PPM1L: variants seen among roughly 807,000 people sequenced by gnomAD.
PPM1L encodes protein phosphatase 1L.
Under a neutral mutation model 31.4 loss-of-function variants are expected in PPM1L, and 13 were observed. That is an observed-to-expected ratio of 0.41 (90% CI 0.27 to 0.66). The LOEUF (loss-of-function observed/expected upper bound fraction) is 0.66. Ranked by LOEUF, PPM1L falls within the 30% of genes least tolerant of loss-of-function variation. The probability of loss-of-function intolerance (pLI) is 0.29; values close to 1 mark genes in which losing one functional copy is unlikely to be tolerated. For missense variants in PPM1L, 326 were observed against 453.7 expected, an observed-to-expected ratio of 0.72 and a Z score of 2.56; for synonymous variants, 184 against 175.4, an observed-to-expected ratio of 1.05 and a Z score of -0.39.
chr3:160,918,822 G>T (rs963447588), intron 1 of PPM1L, among the ~76,000 whole-genome samples: 61 of 152,186 alleles, frequency 4.0e-4, no homozygotes, highest in African/African-American at 1.3e-3. Context: ...ATCCAGAAAA[G>T]AGAAAAAGCT....
At chr3:161,011,455 C>T (rs992878333) in intron 2 of PPM1L, among the ~76,000 whole-genome samples, 29 of 152,256 alleles carry the variant, frequency 1.9e-4, no homozygotes, top group African/African-American at 6.0e-4. Flanking sequence ...TAGCGTGATG[C>T]CTCCAGCTTT....
intron 1 of PPM1L, among the ~76,000 whole-genome samples, chr3:160,920,238 C>T (rs1221281920): frequency 6.6e-6 from 1 of 152,150 alleles, no homozygotes; most frequent in Admixed American, 6.5e-5. Context: ...TGTGGGTACC[C>T]TGCTCAGAAG....
intron 1 of PPM1L, among the ~76,000 whole-genome samples, chr3:160,786,908 T>C (rs2108070719): frequency 6.6e-6 from 1 of 152,316 alleles, no homozygotes; most frequent in South Asian, 2.1e-4. Flanking sequence ...TGGATTCATG[T>C]TGCCGCAAAG....
chr3:160,851,713 GT>G (rs994075534), intron 1 of PPM1L, among the ~76,000 whole-genome samples: 2 of 152,114 alleles, frequency 1.3e-5, no homozygotes, highest in African/African-American at 4.8e-5. Context: ...AGGGGCATTA[GT>G]TATCTAGAGG....
intron 1 of PPM1L, among the ~76,000 whole-genome samples, chr3:160,903,124 A>C (rs75278872): frequency 1.4e-4 from 20 of 148,016 alleles, no homozygotes; most frequent in African/African-American, 5.0e-4. Flanking sequence ...GTGGAATAGT[A>C]GCTGTGTCAG....
intron 2 of PPM1L, among the ~76,000 whole-genome samples, chr3:161,038,880 CA>C (rs1718829378): frequency 6.6e-6 from 1 of 151,972 alleles, no homozygotes; most frequent in Non-Finnish European, 1.5e-5. Flanking sequence ...AGGAAGTCAG[CA>C]AAAAATACAG....
chr3:160,808,502 G>A (rs1356481613), intron 1 of PPM1L, among the ~76,000 whole-genome samples: 1 of 152,000 alleles, frequency 6.6e-6, no homozygotes, highest in Non-Finnish European at 1.5e-5. Context: ...AGCCTGAGGA[G>A]CCCTGGCCTA....
chr3:161,010,774 GTGA>G (rs1232993850), intron 2 of PPM1L, among the ~76,000 whole-genome samples: 4 of 152,206 alleles, frequency 2.6e-5, no homozygotes, highest in African/African-American at 4.8e-5. Flanking sequence ...CTGATGGCCA[GTGA>G]TGATGAGCAT....
intron 1 of PPM1L, among the ~76,000 whole-genome samples, chr3:160,760,510 A>G (rs912815749): frequency 3.3e-5 from 5 of 152,122 alleles, no homozygotes; most frequent in African/African-American, 1.2e-4. Context: ...CTGTGTGTGG[A>G]TGGTTCACAG....
chr3:160,903,208 T>TTGTGTGTGTGTGTG (rs59232471), intron 1 of PPM1L, among the ~76,000 whole-genome samples: 90 of 120,110 alleles, frequency 7.5e-4, no homozygotes, highest in African/African-American at 2.4e-3. Flanking sequence ...GTGTGTATGT[T>TTGTGTGTGTGTGTG]TGTGTGTGTG....
intron 1 of PPM1L, among the ~76,000 whole-genome samples, chr3:160,855,529 A>C (rs1711670077): frequency 6.6e-6 from 1 of 152,212 alleles, no homozygotes; most frequent in Non-Finnish European, 1.5e-5. Flanking sequence ...ACAAGCAAAA[A>C]GCAAACAACC....
At chr3:161,033,558 CT>C (rs1353433543) in intron 2 of PPM1L, among the ~76,000 whole-genome samples, 2 of 152,142 alleles carry the variant, frequency 1.3e-5, no homozygotes, top group African/African-American at 4.8e-5. Context: ...ACTATCTGAT[CT>C]TTGACAAAGC....
At chr3:160,944,872 T>TATATATATAAC (rs1715318544) in intron 1 of PPM1L, among the ~76,000 whole-genome samples, 3 of 32,634 alleles carry the variant, frequency 9.2e-5, no homozygotes, top group African/African-American at 2.5e-4. Flanking sequence ...TATAATGTTA[T>TATATATATAAC]ATATAACATA....
intron 1 of PPM1L, among the ~76,000 whole-genome samples, chr3:160,833,679 T>G (rs1018838397): frequency 6.6e-6 from 1 of 152,162 alleles, no homozygotes; most frequent in Admixed American, 6.5e-5. Context: ...TATTAGACCT[T>G]TGTTAGGTAG....
intron 2 of PPM1L, among the ~76,000 whole-genome samples, chr3:161,006,007 A>C (rs1240997296): frequency 2.0e-5 from 3 of 152,194 alleles, no homozygotes; most frequent in African/African-American, 7.2e-5. Flanking sequence ...TAAAAGATGC[A>C]TTAAAAATAA....
chr3:161,067,338 A>G (rs190929811), intron 3 of PPM1L, among the ~76,000 whole-genome samples: 1 of 152,304 alleles, frequency 6.6e-6, no homozygotes, highest in East Asian at 1.9e-4. Context: ...TAATTTGATC[A>G]ATTGCATATT....
intron 2 of PPM1L, among the ~76,000 whole-genome samples, chr3:161,032,692 CT>C (rs35384021): frequency 0.37 from 51,916 of 139,226 alleles, 9,865 homozygotes; most frequent in East Asian, 0.64. Context: ...CAGAGAAGTC[CT>C]TTTTTTTTTT....
rs1207871489 is a variant in PPM1L at position 160,842,120 on chromosome 3, G to A, written c.399+85413G>A. On this transcript the variant is annotated intron_variant, in intron 1 of 3. Coordinates refer to ENST00000498165, the MANE Select transcript of PPM1L (RefSeq NM_139245.4). ...TTGGAATATTACATAACCAATACAG[G>A]GTTTCAGAAGGAGAGAGATTTTGTG... 4.9e-6 allele frequency: 3 copies of A among 617,654 alleles called. No individual in the cohort carries two copies. The African/African-American group carries it at 5.5e-5, about 11-fold the overall frequency. 38.3% of individuals were successfully genotyped at this position (617,654 alleles called of 1,614,324 possible).
chr3:160,945,109 T>TATATAAC (rs78928944), intron 1 of PPM1L, among the ~76,000 whole-genome samples: 1 of 27,064 alleles, frequency 3.7e-5, no homozygotes, highest in Non-Finnish European at 8.6e-5. Flanking sequence ...ATATAACATA[T>TATATAAC]ATGTTATCTA....
Sources: gnomAD v4.1 joint callset for allele counts (sites outside exome capture counted in the v4.1 genomes callset) on GRCh38, gnomAD v4.1.1 for gene constraint, MANE v1.5 for transcripts, NCBI Gene and HGNC (gene_info 2026-07-23, HGNC 2026-07-21) for gene names.